Variants in GTF3C3 observed in about 807,000 individuals in gnomAD.
The protein encoded by GTF3C3 is general transcription factor 3C polypeptide 3.
Under a neutral mutation model 105.2 loss-of-function variants are expected in GTF3C3, and 75 were observed. The observed-to-expected ratio is 0.71, with a 90% CI of 0.59 to 0.86. The LOEUF is 0.86. Among genes scored for constraint, GTF3C3 ranks in the 40% least tolerant of loss-of-function variants. GTF3C3 has a pLI of 0.00. For synonymous variants in GTF3C3, 335 were observed against 370.4 expected (o/e 0.90, Z 1.10); for missense variants, 856 against 1,076.5 (o/e 0.80, Z 2.87).
intron 9 of GTF3C3, chr2:196,780,163 G>C: frequency 2.0e-6 from 1 of 488,058 alleles, no homozygotes; most frequent in Non-Finnish European, 2.7e-6. Flanking sequence ...GTATGGATTT[G>C]TATATTTTAC....
chr2:196,797,679 T>C, intron 2 of GTF3C3, 118 bp downstream of exon 2: 2 of 659,640 alleles, frequency 3.0e-6, no homozygotes, highest in Non-Finnish European at 5.5e-6. Context: ...ATTCTGTTCC[T>C]GAAAAACCAG....
rs531916357 is a variant in GTF3C3, at chr2:196,769,525, GT to G, written c.2385+389del. ...AAAGAAAATTTTAAAAGGACAGTTT[GT>G]TGGTGATGGTGTAAGGAAACAGGCA... On this transcript the variant is annotated intron_variant, in intron 16 of 17. Coordinates refer to ENST00000263956, the MANE Select transcript of GTF3C3 (RefSeq NM_012086.5). Among the ~76,000 whole-genome samples, 703 of 152,198 alleles carry G rather than the reference GT, an allele frequency of 4.6e-3. 6 individuals carry two copies. The highest frequency in any genetic ancestry group is 7.9e-3 in the Non-Finnish European group (539 of 67,996).
intron 2 of GTF3C3, among the ~76,000 whole-genome samples, chr2:196,797,564 T>G (rs1052258406): frequency 2.6e-5 from 4 of 152,194 alleles, no homozygotes; most frequent in African/African-American, 9.7e-5. Flanking sequence ...CAAATACTGA[T>G]GTCAATTTAA....
chr2:196,773,822 G>T, intron 13 of GTF3C3: 1 of 219,312 alleles, frequency 4.6e-6, no homozygotes, highest in South Asian at 5.8e-5. Flanking sequence ...TTACAATAGG[G>T]TTTGCACTCC....
Position 196,776,030 on chromosome 2 carries a change from T to A in GTF3C3, c.1675A>T (p.Met559Leu), listed in dbSNP as rs1352841344. Reference sequence around the variant, plus strand: ...CCCACCTTTAAAAGCATGGCTAACATAGTAAGTAAGGTATCCACATAACCA... The same window carrying A: ...CCCACCTTTAAAAGCATGGCTAACAAAGTAAGTAAGGTATCCACATAACCA... ...MYGYVDTLLTMLAMLLKVAMN... is the reference protein window; with the variant it reads ...MYGYVDTLLTLLAMLLKVAMN... Residue 559 changes from methionine (M) to leucine (L), a missense_variant, in exon 12 of 18, where the codon ATG becomes TTG. Met to Leu is a conservative substitution (Grantham distance 15). This residue lies in a region of GTF3C3 where 605 missense variants were observed against 833.6 expected (regional missense o/e 0.73). Transcript: ENST00000263956. This position sits in a 1 kb window ranked among gnomAD's most constrained non-coding sequence, Gnocchi z 4.5. The A allele has an allele frequency of 1.9e-6, 3 of 1,564,218 alleles. No individual in the cohort carries two copies. In the African/African-American group the frequency reaches 4.1e-5, roughly 21 times the overall value.
rs1347916028 is a variant in GTF3C3 at position 196,766,502 on chromosome 2, G to GCT, written c.2538+61_2538+62dup. 29 of 1,264,160 alleles carry GCT rather than the reference G, an allele frequency of 2.3e-5. No individual in the cohort carries two copies. The Admixed American group carries it at 6.2e-4, about 27-fold the overall frequency. 78.3% of individuals were successfully genotyped at this position (1,264,160 alleles called of 1,614,324 possible). A position where few individuals can be genotyped will look rare whatever the true frequency, so the allele number is the denominator to read the frequency against. ...AGCTATAATTTACTGGCTGGACTTA[G>GCT]CTAACTGCCCTTATCTACAGACAGA... On this transcript the variant is annotated intron_variant, in intron 17 of 17. Coordinates refer to ENST00000263956, the MANE Select transcript of GTF3C3 (RefSeq NM_012086.5).
At chr2:196,775,721 T>G (rs1253022154) in intron 12 of GTF3C3, among the ~76,000 whole-genome samples, 1 of 152,194 alleles carries the variant, frequency 6.6e-6, no homozygotes, top group African/African-American at 2.4e-5. Flanking sequence ...AAAATACTTT[T>G]GCAAAGTGAG....
Position 196,789,962 on chromosome 2 carries a change from C to G in GTF3C3, c.644G>C (p.Ser215Thr). ...FELIAAHLNP[S>T]DTEEWVRLAE... The stretch of plus-strand genomic sequence containing the variant: ...CAGTCTAACCCATTCTTCTGTGTCA[C>G]TGGGATTTAAATGCGCAGCAATCAA... Residue 215 changes from serine to threonine, a missense_variant, in exon 5 of 18, where the codon AGT becomes ACT. By Grantham distance (58) the Ser-to-Thr change is moderately conservative. Coordinates refer to ENST00000263956, the MANE Select transcript of GTF3C3 (RefSeq NM_012086.5). 1 of 1,613,538 alleles carries G rather than the reference C, an allele frequency of 6.2e-7. No homozygotes were observed. Among genetic ancestry groups the G allele is most frequent in the Non-Finnish European group, 8.5e-7 (1 of 1,179,584 alleles).
chr2:196,786,348 ATC>A lies in GTF3C3; in HGVS notation c.894-762_894-761del, dbSNP rs1182503240. ...AGTAATGTCCTAGACAACTATTGAC[ATC>A]TCTCTCTTTTCAAACCTCCAGCAGT... is the stretch of plus-strand genomic sequence containing the variant. On this transcript the variant is annotated intron_variant, in intron 6 of 17. Transcript: ENST00000263956. This position sits in a 1 kb window ranked among gnomAD's most constrained non-coding sequence, Gnocchi z 4.2. Among the ~76,000 whole-genome samples, 2 of 152,122 alleles carry A rather than the reference ATC, an allele frequency of 1.3e-5. No individual in the cohort carries two copies. Among genetic ancestry groups the A allele is most frequent in the Non-Finnish European group, 2.9e-5 (2 of 68,006 alleles).
At chr2:196,768,940 C>T (rs17442969) in intron 16 of GTF3C3, among the ~76,000 whole-genome samples, 15,235 of 152,046 alleles carry the variant, frequency 0.1, 923 homozygotes, top group African/African-American at 0.17. Context: ...GCTACGTCCC[C>T]GATTCCTGGC....
chr2:196,775,244 A>G lies in GTF3C3; in HGVS notation c.1703T>C (p.Met568Thr). Residue 568 changes from methionine (M) to threonine (T), a missense_variant, in exon 13 of 18, where the codon ATG (methionine) becomes ACG (threonine). Met to Thr is a moderately conservative substitution (Grantham distance 81). Coordinates refer to ENST00000263956, the MANE Select transcript of GTF3C3 (RefSeq NM_012086.5). ...TATCAAACAAACTTGGGCTCGATTC[A>G]TTGCTACCTGAATTAAAGATGAAGA... ...TMLAMLLKVA[M>T]NRAQVCLISS... The G allele has an allele frequency of 6.3e-7, 1 of 1,597,928 alleles. No individual in the cohort carries two copies. Among genetic ancestry groups the G allele is most frequent in the Non-Finnish European group, 8.5e-7 (1 of 1,174,856 alleles).
chr2:196,774,939 C>T (rs1320060245), intron 13 of GTF3C3, 177 bp downstream of exon 13: 2 of 441,502 alleles, frequency 4.5e-6, no homozygotes, highest in African/African-American at 2.1e-5. Flanking sequence ...AAAGTATTTA[C>T]ATTTAGCCTT....
chr2:196,771,800 A>ACATAGGGCATGATT lies in GTF3C3; in HGVS notation c.2194_2207dup (p.Cys736Ter), dbSNP rs1699180784. 2 of 1,613,630 alleles carry ACATAGGGCATGATT rather than the reference A, an allele frequency of 1.2e-6. No individual in the cohort carries two copies. The highest frequency in any genetic ancestry group is 1.7e-6 in the Non-Finnish European group (2 of 1,179,514). On this transcript the variant is annotated stop_gained and frameshift_variant, in exon 15 of 18. Coordinates refer to ENST00000263956, the MANE Select transcript of GTF3C3 (RefSeq NM_012086.5). LOFTEE classifies it high-confidence loss of function. ...CAAATGCATTGTGTCCATTTAAGACACATAGGGCATGATTTTCTGGGTTTT... is the reference window on the plus strand; with the variant it reads ...CAAATGCATTGTGTCCATTTAAGACACATAGGGCATGATTCATAGGGCATGATTTTCTGGGTTTT...
Position 196,776,465 on chromosome 2 carries a change from G to T in GTF3C3, c.1555C>A (p.Pro519Thr). ...ALEALEPMYD[P>T]DTLAQDANAA... The stretch of plus-strand genomic sequence containing the variant: ...TTTGCATCCTGTGCTAAAGTATCTG[G>T]ATCATACATTGGTTCCAGAGCTTCC... Residue 519 changes from proline (P) to threonine (T), a missense_variant, in exon 11 of 18, where the codon CCA (proline) becomes ACA (threonine). Pro to Thr is a conservative substitution (Grantham distance 38). Coordinates refer to ENST00000263956, the MANE Select transcript of GTF3C3 (RefSeq NM_012086.5). This position sits in a 1 kb window ranked among gnomAD's most constrained non-coding sequence, Gnocchi z 4.5. 6.2e-7 allele frequency: 1 copy of T among 1,614,142 alleles called. No individual in the cohort carries two copies. The highest frequency in any genetic ancestry group is 1.1e-5 in the South Asian group (1 of 91,084).
At chr2:196,766,417 C>T in intron 17 of GTF3C3, 148 bp downstream of exon 17, 1 of 581,160 alleles carries the variant, frequency 1.7e-6, no homozygotes. Context: ...GAAGTGGTAC[C>T]TGTTCCTGAA....
chr2:196,774,975 T>TTTCCC, intron 13 of GTF3C3, 141 bp downstream of exon 13: 1 of 550,944 alleles, frequency 1.8e-6, no homozygotes, highest in Non-Finnish European at 3.1e-6. Context: ...AATGAGTTTA[T>TTTCCC]TACACTTGAG....
intron 8 of GTF3C3, among the ~76,000 whole-genome samples, chr2:196,781,481 G>A (rs936191206): frequency 1.3e-5 from 2 of 148,536 alleles, no homozygotes; most frequent in Admixed American, 6.8e-5. Flanking sequence ...AGAAGTAATT[G>A]TGGTTTTACC....
chr2:196,784,471 T>C lies in GTF3C3; in HGVS notation c.1114+386A>G, dbSNP rs1269896480. On this transcript the variant is annotated intron_variant, in intron 8 of 17. Coordinates refer to ENST00000263956, the MANE Select transcript of GTF3C3 (RefSeq NM_012086.5). ...ATCATATTAGTTTCTACTTATTATG[T>C]GAATGCTTAAGCTTAAAGTCAAATG... 7.9e-5 allele frequency among the ~76,000 whole-genome samples: 12 copies of C among 152,198 alleles called. 1 individual carries two copies. Among genetic ancestry groups the C allele is most frequent in the Admixed American group, 7.2e-4 (11 of 15,276 alleles).
intron 13 of GTF3C3, among the ~76,000 whole-genome samples, chr2:196,774,487 G>T (rs748703272): frequency 2.6e-5 from 4 of 152,172 alleles, no homozygotes; most frequent in Non-Finnish European, 4.4e-5. Flanking sequence ...GTACACCAGT[G>T]TAATGTGATC....
Sources: allele counts gnomAD v4.1 joint callset (sites outside exome capture counted in the v4.1 genomes callset), GRCh38; gene constraint gnomAD v4.1.1; regional missense constraint gnomAD v4.1.1; non-coding constraint Gnocchi (gnomAD v3.1); transcripts MANE v1.5; gene names NCBI Gene and HGNC (gene_info 2026-07-23, HGNC 2026-07-21).